The following CSGALNACT2 variants were observed in gnomAD, a reference collection of about 807,000 sequenced individuals.
CSGALNACT2 encodes beta 4 GalNAcT-2.
CSGALNACT2 carries 35 observed loss-of-function variants against 55.3 expected under a neutral mutation model. The ratio of observed to expected loss-of-function variants is 0.63; its 90% CI spans 0.48 to 0.84. The LOEUF is 0.84. CSGALNACT2 is among the 40% of genes least tolerant of loss of function. The probability of loss-of-function intolerance (pLI) is 0.00; values close to 1 mark genes in which losing one functional copy is unlikely to be tolerated. For synonymous variants in CSGALNACT2, 196 were observed against 224.9 expected (o/e 0.87, Z 1.15); for missense variants, 544 against 657.5 (o/e 0.83, Z 1.89).
rs1475655013 is a variant in CSGALNACT2, at chr10:43,160,741, TCATTTCACATGCAACCCTA to T, written c.980+150_980+168del. 4.8e-6 allele frequency: 3 copies of T among 621,766 alleles called. No individual in the cohort carries two copies. In the African/African-American group the frequency reaches 5.7e-5, roughly 12 times the overall value. 38.5% of individuals were successfully genotyped at this position (621,766 alleles called of 1,614,324 possible). ...GGCGGTGGTGGTGATGATAAGTTCC[TCATTTCACATGCAACCCTA>T]CATGACTCAACTTCCCTTCACTGCT... On this transcript the variant is annotated intron_variant, in intron 4 of 7. Coordinates refer to ENST00000374466, the MANE Select transcript of CSGALNACT2 (RefSeq NM_018590.5).
At chr10:43,172,174 TA>T (rs1361108215) in intron 6 of CSGALNACT2, among the ~76,000 whole-genome samples, 1 of 152,184 alleles carries the variant, frequency 6.6e-6, no homozygotes, top group Non-Finnish European at 1.5e-5. Flanking sequence ...GTAATATGCA[TA>T]AATTGATAAC....
chr10:43,147,222 G>T (rs1231737312), intron 1 of CSGALNACT2, among the ~76,000 whole-genome samples: 1 of 151,704 alleles, frequency 6.6e-6, no homozygotes, highest in African/African-American at 2.4e-5. Context: ...TGATCCGCCC[G>T]CCTCGGCCTC....
In CSGALNACT2 at chr10:43,155,201, GGCC is replaced by G. The variant is rs1456255529; in HGVS notation, c.53_55del (p.Gly18_Leu19delinsVal). 1 of 1,614,092 alleles carries G rather than the reference GGCC, an allele frequency of 6.2e-7. No individual in the cohort carries two copies. The highest frequency in any genetic ancestry group is 2.2e-5 in the East Asian group (1 of 44,890). The stretch of plus-strand genomic sequence containing the variant: ...CACCCGGACCCACTGGTTGCTGTTG[GGCC>G]TTGCTTTGCTCTGCAGTTTGGTATT... On this transcript the variant is annotated inframe_deletion, in exon 2 of 8. Transcript: ENST00000374466.
At chr10:43,160,766 C>T (rs1056704095) in intron 4 of CSGALNACT2, among the ~76,000 whole-genome samples, 171 bp downstream of exon 4, 3 of 151,868 alleles carry the variant, frequency 2.0e-5, no homozygotes, top group African/African-American at 7.3e-5. Context: ...CCCTACATGA[C>T]TCAACTTCCC....
intron 4 of CSGALNACT2, among the ~76,000 whole-genome samples, chr10:43,161,296 C>G (rs750235168): frequency 1.3e-5 from 2 of 152,142 alleles, no homozygotes; most frequent in African/African-American, 2.4e-5. Context: ...ACCAGTATTT[C>G]TGTCTTAAAA....
chr10:43,155,623 A>T lies in CSGALNACT2; in HGVS notation c.474A>T (p.Gln158His). 6.2e-7 allele frequency: 1 copy of T among 1,614,196 alleles called. No homozygotes were observed. The highest frequency in any genetic ancestry group is 8.5e-7 in the Non-Finnish European group (1 of 1,180,020). The stretch of plus-strand genomic sequence containing the variant: ...GTTTTACCTTAATGAAAGTATTTCA[A>T]TTGGAAATGGGTCTCACTCGCCATC... ...FESFTLMKVFQLEMGLTRHPE... is the reference protein window; with the variant it reads ...FESFTLMKVFHLEMGLTRHPE... The change falls in exon 2 of 8, where the codon CAA becomes CAT. Residue 158 changes from glutamine (Q) to histidine (H), a missense_variant. By Grantham distance (24) the Gln-to-His change is conservative. Coordinates refer to ENST00000374466, the MANE Select transcript of CSGALNACT2 (RefSeq NM_018590.5).
At chr10:43,173,000 T>C (rs1353171187) in intron 6 of CSGALNACT2, among the ~76,000 whole-genome samples, 2 of 152,304 alleles carry the variant, frequency 1.3e-5, no homozygotes, top group Non-Finnish European at 2.9e-5. Flanking sequence ...CCAGGGCATG[T>C]AGAGCTTGTT....
At chr10:43,167,213 TAAAG>T (rs1358845275) in intron 6 of CSGALNACT2, 115 bp downstream of exon 6, 12 of 674,444 alleles carry the variant, frequency 1.8e-5, no homozygotes, top group Non-Finnish European at 7.8e-6. Flanking sequence ...AGCAAAGTGT[TAAAG>T]AAAAACTATA....
rs138631109 is a variant in CSGALNACT2, at chr10:43,155,700, T to C, written c.551T>C (p.Ile184Thr). 3.4e-5 allele frequency: 55 copies of C among 1,614,082 alleles called. No homozygotes were observed. Among genetic ancestry groups the C allele is most frequent in the African/African-American group, 4.0e-5 (3 of 74,926 alleles). The change falls in exon 2 of 8, where the codon ATT (isoleucine) becomes ACT (threonine). Residue 184 changes from isoleucine to threonine, a missense_variant. Around this residue, in one of 2 missense-constraint regions of CSGALNACT2, gnomAD observed 374 missense variants for 401.3 expected, o/e 0.93. Transcript: ENST00000374466. The stretch of plus-strand genomic sequence containing the variant: ...AAACGAGATGAATTGGTGGAAGTTA[T>C]TGAAGCGGGCTTGGAGGTCATTAAT... Reference protein sequence around the residue: ...KDKRDELVEVIEAGLEVINNP... With the variant: ...KDKRDELVEVTEAGLEVINNP...
intron 4 of CSGALNACT2, among the ~76,000 whole-genome samples, chr10:43,161,360 A>C (rs998989956): frequency 6.6e-6 from 1 of 152,214 alleles, no homozygotes; most frequent in African/African-American, 2.4e-5. Flanking sequence ...AGTATGATGT[A>C]ATGTAAACTA....
At chr10:43,163,220 G>A (rs756454614) in intron 4 of CSGALNACT2, 27 of 984,454 alleles carry the variant, frequency 2.7e-5, no homozygotes, top group African/African-American at 1.0e-4. Context: ...AGACATGAGC[G>A]ATGTATTTTT....
chr10:43,176,597 G>T (rs528972978), intron 7 of CSGALNACT2, among the ~76,000 whole-genome samples: 2 of 152,142 alleles, frequency 1.3e-5, no homozygotes, highest in African/African-American at 4.8e-5. Flanking sequence ...TATCCTGCAT[G>T]CTCTGTTGTC....
chr10:43,148,621 T>A (rs1298101307), intron 1 of CSGALNACT2, among the ~76,000 whole-genome samples: 1 of 152,236 alleles, frequency 6.6e-6, no homozygotes, highest in East Asian at 1.9e-4. Flanking sequence ...ACATTATTCC[T>A]ATTTTATTCT....
intron 1 of CSGALNACT2, among the ~76,000 whole-genome samples, chr10:43,145,710 T>C (rs1838732747): frequency 6.6e-6 from 1 of 152,178 alleles, no homozygotes; most frequent in Admixed American, 6.5e-5. Context: ...CCCAGCCTGA[T>C]TTTTCTTTAA....
At chr10:43,156,898 G>T (rs528078087) in intron 2 of CSGALNACT2, among the ~76,000 whole-genome samples, 40 of 152,184 alleles carry the variant, frequency 2.6e-4, no homozygotes, top group Admixed American at 1.2e-3. Context: ...GTGGCCTGGG[G>T]GTTAGGGACC....
At chr10:43,178,274 A>AT (rs1206319138) in intron 7 of CSGALNACT2, among the ~76,000 whole-genome samples, 1 of 152,204 alleles carries the variant, frequency 6.6e-6, no homozygotes, top group African/African-American at 2.4e-5. Flanking sequence ...ACATATTTTC[A>AT]TATTACCTGT....
At chr10:43,154,468 T>C (rs1036183156) in intron 1 of CSGALNACT2, among the ~76,000 whole-genome samples, 1 of 152,212 alleles carries the variant, frequency 6.6e-6, no homozygotes, top group Admixed American at 6.5e-5. Context: ...GCTCAGTGGC[T>C]CACACCTGTA....
At chr10:43,150,205 G>A (rs1461399493) in intron 1 of CSGALNACT2, among the ~76,000 whole-genome samples, 4 of 151,876 alleles carry the variant, frequency 2.6e-5, no homozygotes, top group African/African-American at 9.7e-5. Flanking sequence ...TTCATATCTG[G>A]TATTTCTTCT....
At position 43,166,170 on chromosome 10, in the gene CSGALNACT2, C is replaced by T. The variant is rs556373962; in HGVS notation, c.1160-834C>T. Among the ~76,000 whole-genome samples the T allele has an allele frequency of 4.6e-5, 7 of 152,126 alleles. No individual in the cohort carries two copies. The East Asian group carries it at 7.7e-4, about 17-fold the overall frequency. On this transcript the variant is annotated intron_variant, in intron 5 of 7. Coordinates refer to ENST00000374466, the MANE Select transcript of CSGALNACT2 (RefSeq NM_018590.5). ...TGCAAAATGTGAAAGTTGAAGGAGA[C>T]GTATTTGCTTAGTTTAAAAGAAATA...
Sources: gnomAD v4.1 joint callset for allele counts (sites outside exome capture counted in the v4.1 genomes callset) on GRCh38, gnomAD v4.1.1 for gene constraint, gnomAD v4.1.1 regional missense constraint, MANE v1.5 for transcripts, NCBI Gene and HGNC (gene_info 2026-07-23, HGNC 2026-07-21) for gene names.